Variants in SLC18A2 observed in about 807,000 individuals in gnomAD.
SLC18A2 encodes synaptic vesicular amine transporter.
SLC18A2 carries 33 observed loss-of-function variants against 59.2 expected under a neutral mutation model. The observed-to-expected ratio is 0.56, with a 90% confidence interval of 0.42 to 0.75. The LOEUF (loss-of-function observed/expected upper bound fraction) is 0.75. Ranked by LOEUF, SLC18A2 falls within the 30% of genes least tolerant of loss-of-function variation. The pLI, the probability that SLC18A2 is intolerant of heterozygous loss-of-function variation, is 0.00. For missense variants in SLC18A2, 569 were observed against 668.6 expected (o/e 0.85, Z 1.64); for synonymous variants, 228 against 253.5 (o/e 0.90, Z 0.95).
In SLC18A2 at chr10:117,262,400, A is replaced by G. The variant is rs917584; in HGVS notation, c.992-4333A>G. On this transcript the variant is annotated intron_variant, in intron 10 of 15. Coordinates refer to ENST00000644641, the MANE Select transcript of SLC18A2 (RefSeq NM_003054.6). Reference sequence around the variant, plus strand: ...AAGCCCAAAGACCTTCAGAGCTCCTAAAGAGGCGTGCCGCTTGGCAGGAGG... The same window carrying G: ...AAGCCCAAAGACCTTCAGAGCTCCTGAAGAGGCGTGCCGCTTGGCAGGAGG... Among the ~76,000 whole-genome samples the G allele has an allele frequency of 3.0e-3, 459 of 152,308 alleles. 3 individuals are homozygous for G. Among genetic ancestry groups the G allele is most frequent in the African/African-American group, 0.01 (432 of 41,568 alleles).
At chr10:117,245,671 A>G (rs535959592) in intron 3 of SLC18A2, among the ~76,000 whole-genome samples, 2 of 152,038 alleles carry the variant, frequency 1.3e-5, no homozygotes, top group Non-Finnish European at 2.9e-5. Flanking sequence ...GCATTAAATC[A>G]ACCAAGCTCT....
intron 6 of SLC18A2, 93 bp downstream of exon 6, chr10:117,254,590 G>T: frequency 2.6e-6 from 2 of 764,170 alleles, no homozygotes; most frequent in East Asian, 2.8e-5. Flanking sequence ...GGCGCAGTTT[G>T]CACTGACACA....
At position 117,278,292 on chromosome 10, in the gene SLC18A2, T is replaced by A. The variant is rs1003640393; in HGVS notation, c.*1026T>A. 52 of 152,232 alleles carry A rather than the reference T, an allele frequency of 3.4e-4. No individual in the cohort carries two copies. The highest frequency in any genetic ancestry group is 1.2e-3 in the African/African-American group (49 of 41,462). 9.4% of individuals were successfully genotyped at this position (152,232 alleles called of 1,614,324 possible). A position where few individuals can be genotyped will look rare whatever the true frequency, so the allele number is the denominator to read the frequency against. ...TTTAGACTCCTGAAAGTTGTTCACA[T>A]CAATGTGAAGACAAATTTTAAATGA... On this transcript the variant is annotated 3_prime_UTR_variant, in exon 16 of 16. Transcript: ENST00000644641.
chr10:117,249,618 C>T (rs901427325), intron 3 of SLC18A2, among the ~76,000 whole-genome samples: 18 of 152,240 alleles, frequency 1.2e-4, no homozygotes, highest in Middle Eastern at 3.4e-3. Flanking sequence ...TAATTTACCA[C>T]GGTAGAGGAA....
chr10:117,273,489 G>A (rs889222965), intron 15 of SLC18A2, among the ~76,000 whole-genome samples: 2 of 152,156 alleles, frequency 1.3e-5, no homozygotes, highest in Non-Finnish European at 1.5e-5. Context: ...GAGGATTGCA[G>A]CTTTCTTTTC....
chr10:117,260,493 T>G (rs1844283348), intron 10 of SLC18A2, among the ~76,000 whole-genome samples: 1 of 152,274 alleles, frequency 6.6e-6, no homozygotes, highest in Middle Eastern at 3.4e-3. Context: ...CAGGAAGGTA[T>G]GGGGGCGGAA....
At chr10:117,264,167 A>G (rs1844323445) in intron 10 of SLC18A2, among the ~76,000 whole-genome samples, 1 of 152,210 alleles carries the variant, frequency 6.6e-6, no homozygotes, top group Admixed American at 6.5e-5. Context: ...CAAAATGTAG[A>G]AGATCTCCCT....
intron 9 of SLC18A2, 54 bp downstream of exon 9, chr10:117,255,711 C>G: frequency 6.5e-7 from 1 of 1,547,164 alleles, no homozygotes; most frequent in East Asian, 2.3e-5. Context: ...TGGCCGCGTG[C>G]TGGAGGCAGG....
chr10:117,261,314 C>T (rs985241418), intron 10 of SLC18A2, among the ~76,000 whole-genome samples: 7 of 152,170 alleles, frequency 4.6e-5, no homozygotes, highest in Non-Finnish European at 8.8e-5. Context: ...GGGAGTATTA[C>T]CTGAGCCCAG....
At chr10:117,274,450 G>T (rs1400981825) in intron 15 of SLC18A2, among the ~76,000 whole-genome samples, 2 of 152,084 alleles carry the variant, frequency 1.3e-5, no homozygotes, top group Non-Finnish European at 2.9e-5. Flanking sequence ...CCTACATTCA[G>T]GTCTAATGTG....
chr10:117,249,177 C>A (rs1844137158), intron 3 of SLC18A2, among the ~76,000 whole-genome samples: 1 of 152,198 alleles, frequency 6.6e-6, no homozygotes, highest in Admixed American at 6.5e-5. Context: ...GAGAAGAGAT[C>A]TCCCATCCTG....
intron 10 of SLC18A2, 86 bp from the exon 11 acceptor site, chr10:117,266,647 C>A: frequency 1.9e-6 from 2 of 1,054,062 alleles, no homozygotes; most frequent in South Asian, 2.9e-5. Flanking sequence ...CTGCTCTCAT[C>A]AACATTGTGG....
rs1844247333 is a variant in SLC18A2 at position 117,257,828 on chromosome 10, C to T, written c.927C>T (p.Ala309=). The T allele has an allele frequency of 5.0e-6, 8 of 1,611,258 alleles. No individual in the cohort carries two copies. Among genetic ancestry groups the T allele is most frequent in the Non-Finnish European group, 6.8e-6 (8 of 1,178,684 alleles). Residue 309 remains alanine, a synonymous_variant, in exon 10 of 16, where the codon GCC becomes GCT. Coordinates refer to ENST00000644641, the MANE Select transcript of SLC18A2 (RefSeq NM_003054.6). The part of the protein sequence containing the change: ...GSICFANMGI[A]MLEPALPIWM... ...TCTGCTTTGCAAACATGGGCATCGC[C>T]ATGCTGGAGCCAGCCCTGCCCATCT... is the stretch of plus-strand genomic sequence containing the variant.
In SLC18A2 at chr10:117,255,790, G is replaced by A. The variant is rs1844223549; in HGVS notation, c.895+133G>A. On this transcript the variant is annotated intron_variant, in intron 9 of 15. Transcript: ENST00000644641. ...TGGGCTATATAAAAAAACAGAAAAG[G>A]CAAAGAGGCTACAAGTCAAAGGAAA... 5.5e-6 allele frequency: 4 copies of A among 732,478 alleles called. No homozygotes were observed. In the East Asian group the frequency reaches 8.1e-5, roughly 15 times the overall value. 45.4% of individuals were successfully genotyped at this position (732,478 alleles called of 1,614,324 possible).
Position 117,255,528 on chromosome 10 carries a change from C to A in SLC18A2, c.834+6C>A. On this transcript the variant is annotated splice_donor_region_variant and intron_variant, in intron 8 of 15. Coordinates refer to ENST00000644641, the MANE Select transcript of SLC18A2 (RefSeq NM_003054.6). ...CGTCCCGGGTGCAGCCAGAGGTAAG[C>A]GGCTGGGAATGAGGGCCCTGGGGGA... The A allele has an allele frequency of 1.2e-6, 2 of 1,614,100 alleles. No individual in the cohort carries two copies. Among genetic ancestry groups the A allele is most frequent in the Non-Finnish European group, 1.7e-6 (2 of 1,180,014 alleles).
At position 117,255,576 on chromosome 10, in the gene SLC18A2, C is replaced by T. The variant is rs529222811; in HGVS notation, c.835-21C>T. Reference sequence around the variant, plus strand: ...GGAGGGGGCATGGTGCTGCTTCTGACCCGTGTTTTTTTCTTGACAGAGTCA... The same window carrying T: ...GGAGGGGGCATGGTGCTGCTTCTGATCCGTGTTTTTTTCTTGACAGAGTCA... On this transcript the variant is annotated intron_variant, in intron 8 of 15. Transcript: ENST00000644641. 34 of 1,614,072 alleles carry T rather than the reference C, an allele frequency of 2.1e-5. No homozygotes were observed. In the South Asian group the frequency reaches 3.4e-4, roughly 16 times the overall value.
In SLC18A2 at chr10:117,241,759, C is replaced by G. The variant is rs773686320; in HGVS notation, c.66C>G (p.Ile22Met). 1 of 1,611,454 alleles carries G rather than the reference C, an allele frequency of 6.2e-7. No homozygotes were observed. The highest frequency in any genetic ancestry group is 8.5e-7 in the Non-Finnish European group (1 of 1,179,258). ...LQESRRSRKL[I>M]LFIVFLALLL... ...AGAGCCGCCGCTCGCGGAAGCTCAT[C>G]CTGTTCATCGTGTTCCTGGCGCTGC... Residue 22 changes from isoleucine (I) to methionine (M), a missense_variant, in exon 2 of 16, where the codon ATC becomes ATG. Transcript: ENST00000644641.
Position 117,277,388 on chromosome 10 carries a change from G to GTTA in SLC18A2, c.*128_*130dup. The stretch of plus-strand genomic sequence containing the variant: ...CCCTGGTGAAAGAGTAAAACCAAAG[G>GTTA]TTATTATTTCCTTTCCATGGTTATG... On this transcript the variant is annotated 3_prime_UTR_variant, in exon 16 of 16. Coordinates refer to ENST00000644641, the MANE Select transcript of SLC18A2 (RefSeq NM_003054.6). 5.6e-6 allele frequency: 3 copies of GTTA among 537,140 alleles called. No individual in the cohort carries two copies. Among genetic ancestry groups the GTTA allele is most frequent in the South Asian group, 3.2e-5 (1 of 31,224 alleles). 33.3% of individuals were successfully genotyped at this position (537,140 alleles called of 1,614,324 possible).
At chr10:117,243,483 A>G (rs967249230) in intron 2 of SLC18A2, among the ~76,000 whole-genome samples, 1 of 152,224 alleles carries the variant, frequency 6.6e-6, no homozygotes, top group Non-Finnish European at 1.5e-5. Context: ...ACTTGCTCCA[A>G]TGTCGTTATA....
Sources: allele counts gnomAD v4.1 joint callset (sites outside exome capture counted in the v4.1 genomes callset), GRCh38; gene constraint gnomAD v4.1.1; transcripts MANE v1.5; gene names NCBI Gene and HGNC (gene_info 2026-07-23, HGNC 2026-07-21).